The following SOCS4 variants were observed in gnomAD, a reference collection of about 807,000 sequenced individuals.
SOCS4 encodes suppressor of cytokine signaling 4, also known as SH2 domain containing SOCS box protein.
In SOCS4, 20 loss-of-function variants were observed where a neutral mutation model predicts 34.1. The observed-to-expected ratio is 0.59, with a 90% confidence interval of 0.41 to 0.85. SOCS4 has a LOEUF of 0.85. Ranked by LOEUF, SOCS4 falls within the 40% of genes least tolerant of loss-of-function variation. The probability of loss-of-function intolerance (pLI) is 0.00; values close to 1 mark genes in which losing one functional copy is unlikely to be tolerated. For missense variants in SOCS4, 479 were observed against 532.4 expected, an observed-to-expected ratio of 0.90 and a Z score of 0.99; for synonymous variants, 180 against 186.4, an observed-to-expected ratio of 0.97 and a Z score of 0.28.
intron 2 of SOCS4, among the ~76,000 whole-genome samples, chr14:55,036,132 G>C (rs1471298910): frequency 6.6e-6 from 1 of 152,190 alleles, no homozygotes; most frequent in Non-Finnish European, 1.5e-5. Flanking sequence ...AGTGGTTACT[G>C]CTGGGTGGTG....
In SOCS4 at chr14:55,044,024, G is replaced by C; in HGVS notation, c.983G>C (p.Ser328Thr). The C allele has an allele frequency of 6.2e-7, 1 of 1,614,112 alleles. No homozygotes were observed. Among genetic ancestry groups the C allele is most frequent in the Non-Finnish European group, 8.5e-7 (1 of 1,180,002 alleles). The change falls in exon 3 of 3, where the codon AGT becomes ACT. Residue 328 changes from serine to threonine, a missense_variant. Physicochemically the swap from Ser to Thr is moderately conservative, Grantham distance 58. Transcript: ENST00000555846. The stretch of plus-strand genomic sequence containing the variant: ...TTCTCTGTTAGTTTTAGACGCTATA[G>C]TCGTTCTCTTCATGCTAGAATTGAA... ...YLFSVSFRRY[S>T]RSLHARIEQW...
chr14:55,038,897 T>G (rs1156936508), intron 2 of SOCS4, among the ~76,000 whole-genome samples: 1 of 152,246 alleles, frequency 6.6e-6, no homozygotes, highest in African/African-American at 2.4e-5. Context: ...CACCTGCATC[T>G]CTGCTGCTGA....
chr14:55,047,393 T>C lies in SOCS4; in HGVS notation c.*3029T>C, dbSNP rs2042686053. On this transcript the variant is annotated 3_prime_UTR_variant, in exon 3 of 3. Transcript: ENST00000555846. ...GCATCTTGATTCATAGTATAATTCC[T>C]GAAGTATGCTGAATGGACTTTTTAA... 6.0e-6 allele frequency: 1 copy of C among 167,114 alleles called. No homozygotes were observed. The highest frequency in any genetic ancestry group is 2.4e-5 in the African/African-American group (1 of 41,476). The allele number at this position is 167,114 out of a possible 1,614,324, so 10.4% of individuals were successfully genotyped here.
At chr14:55,039,708 A>G (rs1014658978) in intron 2 of SOCS4, among the ~76,000 whole-genome samples, 7 of 152,182 alleles carry the variant, frequency 4.6e-5, no homozygotes, top group Non-Finnish European at 1.0e-4. Flanking sequence ...CCTGGCTAAC[A>G]TGGTGAAACC....
chr14:55,035,266 C>A (rs2042562942), intron 2 of SOCS4, among the ~76,000 whole-genome samples: 2 of 50,906 alleles, frequency 3.9e-5, no homozygotes, highest in Non-Finnish European at 3.8e-5. Context: ...CACGTAAAAA[C>A]AGTTACCCTA....
At chr14:55,036,591 G>A (rs909735515) in intron 2 of SOCS4, among the ~76,000 whole-genome samples, 115 of 152,132 alleles carry the variant, frequency 7.6e-4, no homozygotes, top group Admixed American at 1.8e-3. Flanking sequence ...TGATCCACCC[G>A]TCTCGGCCTC....
chr14:55,042,027 AC>A (rs1359925921), intron 2 of SOCS4, among the ~76,000 whole-genome samples: 8 of 151,674 alleles, frequency 5.3e-5, no homozygotes, highest in Non-Finnish European at 1.0e-4. Flanking sequence ...TGAACTCCTG[AC>A]CTCAGGTAAT....
At chr14:55,036,030 C>T (rs928884198) in intron 2 of SOCS4, among the ~76,000 whole-genome samples, 3 of 152,118 alleles carry the variant, frequency 2.0e-5, no homozygotes, top group African/African-American at 7.2e-5. Flanking sequence ...TTCTTATGGA[C>T]TCAAACCATG....
chr14:55,044,318 C>A lies in SOCS4; in HGVS notation c.1277C>A (p.Ser426Ter). 2.5e-6 allele frequency: 4 copies of A among 1,613,350 alleles called. No individual in the cohort carries two copies. The South Asian group carries it at 3.3e-5, about 13-fold the overall frequency. Residue 426 changes from serine to a stop codon, truncating the protein, a stop_gained, in exon 3 of 3, where the codon TCA becomes TAA. Transcript: ENST00000555846. LOFTEE classifies it high-confidence loss of function. ...TATCTGAAGGAATATCATTATAAATCAAAAGTTAGAGTACTCAGGATTGAT... is the reference window on the plus strand; with the variant it reads ...TATCTGAAGGAATATCATTATAAATAAAAAGTTAGAGTACTCAGGATTGAT... ...KLYLKEYHYK[S>*]KVRVLRIDAP...
chr14:55,030,370 T>TA (rs559720577), intron 1 of SOCS4, among the ~76,000 whole-genome samples: 2 of 152,276 alleles, frequency 1.3e-5, no homozygotes, highest in African/African-American at 4.8e-5. Flanking sequence ...TAAAACTTTT[T>TA]AAAAATAATA....
intron 2 of SOCS4, among the ~76,000 whole-genome samples, chr14:55,041,927 G>A (rs2042623438): frequency 6.6e-6 from 1 of 151,338 alleles, no homozygotes; most frequent in Admixed American, 6.6e-5. Flanking sequence ...GAGTAGCTGG[G>A]ATTACAGGCG....
Position 55,043,607 on chromosome 14 carries a change from C to G in SOCS4, c.566C>G (p.Ser189Ter). 6.2e-7 allele frequency: 1 copy of G among 1,614,158 alleles called. No homozygotes were observed. Among genetic ancestry groups the G allele is most frequent in the Non-Finnish European group, 8.5e-7 (1 of 1,180,026 alleles). The change falls in exon 3 of 3, where the codon TCA (serine) becomes TGA (stop). Residue 189 changes from serine (S) to a stop codon, truncating the protein, a stop_gained. Transcript: ENST00000555846. LOFTEE classifies it high-confidence loss of function. ...ATGGAAGAAAATATAAACTGTTTCT[C>G]ACATACCAATGTTCAGCCCTGTGTC... is the stretch of plus-strand genomic sequence containing the variant. ...RNMEENINCF[S>*]HTNVQPCVIT...
At chr14:55,034,587 A>G (rs2042555921) in intron 2 of SOCS4, among the ~76,000 whole-genome samples, 1 of 152,022 alleles carries the variant, frequency 6.6e-6, no homozygotes, top group Admixed American at 6.6e-5. Context: ...TAATCTTAGC[A>G]CTTTGGGAGG....
intron 1 of SOCS4, among the ~76,000 whole-genome samples, chr14:55,031,148 T>G (rs752400660): frequency 1.3e-5 from 2 of 152,218 alleles, no homozygotes; most frequent in Non-Finnish European, 2.9e-5. Flanking sequence ...ATAAAATGGT[T>G]CAGTATTATA....
At chr14:55,040,253 C>T (rs888693965) in intron 2 of SOCS4, among the ~76,000 whole-genome samples, 6 of 152,142 alleles carry the variant, frequency 3.9e-5, no homozygotes, top group African/African-American at 1.4e-4. Context: ...TCATTGAGCA[C>T]ACTAAATCAA....
At chr14:55,040,424 T>C (rs2042607060) in intron 2 of SOCS4, among the ~76,000 whole-genome samples, 1 of 152,200 alleles carries the variant, frequency 6.6e-6, no homozygotes, top group Non-Finnish European at 1.5e-5. Flanking sequence ...AGATTACTTA[T>C]AATACTACAA....
At chr14:55,037,132 T>A (rs1272878617) in intron 2 of SOCS4, among the ~76,000 whole-genome samples, 2 of 146,848 alleles carry the variant, frequency 1.4e-5, no homozygotes, top group Non-Finnish European at 1.5e-5. Flanking sequence ...AAAAAAAAAA[T>A]TATTTTAGCA....
At chr14:55,039,633 C>T (rs1360525978) in intron 2 of SOCS4, among the ~76,000 whole-genome samples, 1 of 152,216 alleles carries the variant, frequency 6.6e-6, no homozygotes, top group Non-Finnish European at 1.5e-5. Flanking sequence ...ATGGCGCATG[C>T]CTGTAATCCC....
In SOCS4 at chr14:55,047,751, A is replaced by G. The variant is rs775181843; in HGVS notation, c.*3387A>G. On this transcript the variant is annotated 3_prime_UTR_variant, in exon 3 of 3. Transcript: ENST00000555846. ...TGTGGCAAGTAGGACTCCTATCGGT[A>G]TACAAATTCCATTTCTTTTTATAAG... The G allele has an allele frequency of 4.8e-5, 8 of 167,150 alleles. No individual in the cohort carries two copies. Among genetic ancestry groups the G allele is most frequent in the Non-Finnish European group, 2.9e-5 (2 of 68,128 alleles). 10.4% of individuals were successfully genotyped at this position (167,150 alleles called of 1,614,324 possible). A position where few individuals can be genotyped will look rare whatever the true frequency, so the allele number is the denominator to read the frequency against.
Sources: allele counts gnomAD v4.1 joint callset (sites outside exome capture counted in the v4.1 genomes callset), GRCh38; gene constraint gnomAD v4.1.1; transcripts MANE v1.5; gene names NCBI Gene and HGNC (gene_info 2026-07-23, HGNC 2026-07-21).